Variants in ABCB7 observed in about 807,000 individuals in gnomAD.
The protein encoded by ABCB7 is ATP binding cassette subfamily B member 7.
A neutral mutation model predicts 54.4 loss-of-function variants in ABCB7; 7 were observed. The ratio of observed to expected loss-of-function variants is 0.13; its 90% CI spans 0.07 to 0.24. The LOEUF (loss-of-function observed/expected upper bound fraction) is 0.24. Among genes scored for constraint, ABCB7 ranks in the 10% least tolerant of loss-of-function variants. The pLI is 1.00. For synonymous variants in ABCB7, 218 were observed against 207.1 expected (o/e 1.05, Z -0.45); for missense variants, 356 against 570.4 (o/e 0.62, Z 3.83).
intron 4 of ABCB7, among the ~76,000 whole-genome samples, chrX:75,078,127 T>C (rs1238554321): frequency 9.1e-6 from 1 of 110,015 alleles, no homozygotes; most frequent in African/African-American, 3.3e-5. Context: ...TTGGTCAGGT[T>C]GGTCTCAAAC....
chrX:75,084,999 T>C (rs1399228541), intron 4 of ABCB7, among the ~76,000 whole-genome samples: 1 of 112,173 alleles, frequency 8.9e-6, no homozygotes, highest in African/African-American at 3.2e-5. Flanking sequence ...TATACTGCTG[T>C]GGGAATACAA....
intron 3 of ABCB7, among the ~76,000 whole-genome samples, chrX:75,108,623 A>C (rs1332435694): frequency 9.1e-6 from 1 of 110,317 alleles, no homozygotes; most frequent in African/African-American, 3.3e-5. Flanking sequence ...AAATAAATTC[A>C]GATAGAGTCA....
At chrX:75,086,321 A>C (rs2081497170) in intron 4 of ABCB7, among the ~76,000 whole-genome samples, 1 of 111,971 alleles carries the variant, frequency 8.9e-6, no homozygotes, top group Non-Finnish European at 1.9e-5. Flanking sequence ...GAGTTAAGTA[A>C]AAAGTAAAAT....
chrX:75,074,405 G>A (rs1394336938), intron 6 of ABCB7, among the ~76,000 whole-genome samples: 1 of 111,698 alleles, frequency 9.0e-6, no homozygotes, highest in Non-Finnish European at 1.9e-5. Flanking sequence ...CTGCTGGTGG[G>A]AATGGAAATT....
At chrX:75,113,217 T>C (rs2081777777) in intron 2 of ABCB7, among the ~76,000 whole-genome samples, 2 of 112,118 alleles carry the variant, frequency 1.8e-5, no homozygotes, top group Admixed American at 1.9e-4. Context: ...GAAACTCACG[T>C]TTAAAGGATT....
chrX:75,128,751 A>G (rs866104669), intron 1 of ABCB7, among the ~76,000 whole-genome samples: 3 of 112,321 alleles, frequency 2.7e-5, no homozygotes, highest in African/African-American at 9.7e-5. Flanking sequence ...TTTACAAGAA[A>G]AAAACCAAAT....
At chrX:75,069,557 G>T in intron 10 of ABCB7, 103 bp from the exon 11 acceptor site, 1 of 921,915 alleles carries the variant, frequency 1.1e-6, no homozygotes, top group Non-Finnish European at 1.5e-6. Flanking sequence ...TAATGGAAAA[G>T]AAGGAGGTTT....
intron 3 of ABCB7, among the ~76,000 whole-genome samples, chrX:75,108,595 A>C (rs184213891): frequency 0.011 from 1,239 of 110,343 alleles, 8 homozygotes; most frequent in Middle Eastern, 0.019. Flanking sequence ...AAAAAAAAAA[A>C]CCACAATGGT....
Position 75,154,467 on chromosome X carries a change from T to C in ABCB7, c.168+1638A>G, listed in dbSNP as rs1208266021. 1.8e-5 allele frequency among the ~76,000 whole-genome samples: 2 copies of C among 112,159 alleles called. 1 individual carries two copies. Among genetic ancestry groups the C allele is most frequent in the Non-Finnish European group, 3.8e-5 (2 of 53,249 alleles). On this transcript the variant is annotated intron_variant, in intron 1 of 15. Coordinates refer to ENST00000373394, the MANE Select transcript of ABCB7 (RefSeq NM_001271696.3). ...CAAAAACCATTCCCAAGAGATCATG[T>C]GTTAGAAACTTTCAACCATAAAATA...
chrX:75,135,062 T>C (rs2082000110), intron 1 of ABCB7, among the ~76,000 whole-genome samples: 2 of 109,631 alleles, frequency 1.8e-5, no homozygotes, highest in African/African-American at 6.6e-5. Flanking sequence ...TAAATAAGAT[T>C]GATGGACCAC....
At chrX:75,135,607 G>A (rs955132032) in intron 1 of ABCB7, among the ~76,000 whole-genome samples, 2 of 111,443 alleles carry the variant, frequency 1.8e-5, no homozygotes, top group African/African-American at 6.5e-5. Flanking sequence ...AAATCCAGCA[G>A]CACAACAAAA....
At chrX:75,109,241 A>G (rs1278943815) in intron 3 of ABCB7, among the ~76,000 whole-genome samples, 1 of 112,097 alleles carries the variant, frequency 8.9e-6, no homozygotes, top group East Asian at 2.8e-4. Flanking sequence ...CCTAATAACG[A>G]TGTAGACAAG....
intron 3 of ABCB7, among the ~76,000 whole-genome samples, chrX:75,101,734 G>A (rs2081641530): frequency 9.0e-6 from 1 of 111,429 alleles, no homozygotes; most frequent in South Asian, 3.7e-4. Context: ...ATGGAAAAAG[G>A]CCCTGCTTTC....
Position 75,076,604 on chromosome X carries a change from G to T in ABCB7, c.504C>A (p.Leu168=). Reference sequence around the variant, plus strand: ...TCAGCATGTTTCCCGACATCTGGTTGAGGCTGTCTACAGCATATTTAAACA... The same window carrying T: ...TCAGCATGTTTCCCGACATCTGGTTTAGGCTGTCTACAGCATATTTAAACA... The part of the protein sequence containing the change: ...PFMFKYAVDS[L]NQMSGNMLNL... Residue 168 remains leucine, a synonymous_variant, in exon 5 of 16, where the codon CTC becomes CTA. Coordinates refer to ENST00000373394, the MANE Select transcript of ABCB7 (RefSeq NM_001271696.3). 1 of 1,210,606 alleles carries T rather than the reference G, an allele frequency of 8.3e-7. No individual in the cohort carries two copies. The highest frequency in any genetic ancestry group is 1.1e-6 in the Non-Finnish European group (1 of 894,504).
intron 1 of ABCB7, among the ~76,000 whole-genome samples, chrX:75,137,091 T>C (rs1035559926): frequency 7.2e-5 from 8 of 111,614 alleles, no homozygotes; most frequent in South Asian, 3.7e-4. Context: ...ACTGAGTAAA[T>C]AGACAACCTA....
At chrX:75,071,769 T>C (rs1316217857) in intron 8 of ABCB7, 86 bp from the exon 9 acceptor site, 1 of 663,928 alleles carries the variant, frequency 1.5e-6, no homozygotes, top group African/African-American at 2.2e-5. Context: ...TCAGACTTCA[T>C]GTATGAATAC....
At chrX:75,066,208 G>T (rs2081316615) in intron 12 of ABCB7, among the ~76,000 whole-genome samples, 3 of 111,202 alleles carry the variant, frequency 2.7e-5, no homozygotes, top group African/African-American at 9.8e-5. Context: ...TCTCTAAACG[G>T]TTGGAAGGCT....
At chrX:75,147,363 T>A (rs1314624048) in intron 1 of ABCB7, among the ~76,000 whole-genome samples, 1 of 111,760 alleles carries the variant, frequency 8.9e-6, no homozygotes, top group African/African-American at 3.3e-5. Context: ...TAAAGACACA[T>A]GCATGCGTAT....
intron 1 of ABCB7, among the ~76,000 whole-genome samples, chrX:75,136,929 C>A (rs1398057563): frequency 8.9e-6 from 1 of 111,992 alleles, no homozygotes; most frequent in Non-Finnish European, 1.9e-5. Context: ...AAACTATAAA[C>A]TCTGGAAGAC....
Sources: allele counts gnomAD v4.1 joint callset (sites outside exome capture counted in the v4.1 genomes callset), GRCh38; gene constraint gnomAD v4.1.1; transcripts MANE v1.5; gene names NCBI Gene and HGNC (gene_info 2026-07-23, HGNC 2026-07-21).